RPRD2: variants seen among roughly 807,000 people sequenced by gnomAD.
RPRD2 encodes regulation of nuclear pre-mRNA domain-containing protein 2.
Under a neutral mutation model 104.4 loss-of-function variants are expected in RPRD2, and 12 were observed. The ratio of observed to expected loss-of-function variants is 0.11; its 90% CI spans 0.07 to 0.19. The LOEUF (loss-of-function observed/expected upper bound fraction) is 0.19, where lower values mean the gene tolerates loss of function less well. Among genes scored for constraint, RPRD2 ranks in the 10% least tolerant of loss-of-function variants. The probability of loss-of-function intolerance (pLI) is 1.00; values close to 1 mark genes in which losing one functional copy is unlikely to be tolerated. For synonymous variants in RPRD2, 714 were observed against 684.9 expected, an observed-to-expected ratio of 1.04 and a Z score of -0.66; for missense variants, 1,543 against 1,790.1, an observed-to-expected ratio of 0.86 and a Z score of 2.49.
At chr1:150,418,782 C>A (rs1449342496) in intron 2 of RPRD2, among the ~76,000 whole-genome samples, 1 of 152,092 alleles carries the variant, frequency 6.6e-6, no homozygotes, top group African/African-American at 2.4e-5. Flanking sequence ...GAGGCCAAGG[C>A]GGGTGGTGGA....
chr1:150,443,242 C>T lies in RPRD2; in HGVS notation c.526C>T (p.Pro176Ser), dbSNP rs1666525912. The change falls in exon 5 of 11, where the codon CCA (proline) becomes TCA (serine). Residue 176 changes from proline to serine, a missense_variant. This residue lies in a region of RPRD2 where 572 missense variants were observed against 787.3 expected (regional missense o/e 0.73). Transcript: ENST00000369068. ...QWKKSQTSTN[P>S]KAALKSKIVA... ...TTTAATTCCAACAGCATCTACAAAT[C>T]CAAAAGCTGCTCTCAAGTCTAAGAT... 2 of 1,576,948 alleles carry T rather than the reference C, an allele frequency of 1.3e-6. No individual in the cohort carries two copies. Among genetic ancestry groups the T allele is most frequent in the East Asian group, 4.6e-5 (2 of 43,936 alleles).
At chr1:150,422,367 T>TAATAATAATAATAATAATAAAAAA (rs1407375626) in intron 2 of RPRD2, among the ~76,000 whole-genome samples, 11 of 111,986 alleles carry the variant, frequency 9.8e-5, no homozygotes, top group East Asian at 8.4e-4. Flanking sequence ...ATAATAATAA[T>TAATAATAATAATAATAATAAAAAA]AAATAAAATT....
intron 1 of RPRD2, among the ~76,000 whole-genome samples, chr1:150,399,279 C>T (rs975381738): frequency 1.3e-5 from 2 of 152,124 alleles, no homozygotes; most frequent in African/African-American, 2.4e-5. Context: ...GCTGGGATTA[C>T]AGGCATAGAA....
chr1:150,470,690 G>T lies in RPRD2; in HGVS notation c.1742G>T (p.Ser581Ile), dbSNP rs1296322744. ...STIKGRNLPS[S>I]AQPFIPKSFN... is the part of the protein sequence containing the mutation. ...ATAAAGGGAAGAAATCTGCCCTCCA[G>T]TGCCCAACCTTTTATTCCCAAAAGC... The change falls in exon 11 of 11, where the codon AGT (serine) becomes ATT (isoleucine). Residue 581 changes from serine to isoleucine, a missense_variant. Ser to Ile is a moderately radical substitution (Grantham distance 142). This residue lies in a region of RPRD2 where 572 missense variants were observed against 787.3 expected (regional missense o/e 0.73). Transcript: ENST00000369068. The T allele has an allele frequency of 3.7e-6, 6 of 1,613,916 alleles. No homozygotes were observed. Among genetic ancestry groups the T allele is most frequent in the Middle Eastern group, 1.6e-4 (1 of 6,084 alleles).
At chr1:150,380,018 C>T (rs834234) in intron 1 of RPRD2, among the ~76,000 whole-genome samples, 3 of 152,128 alleles carry the variant, frequency 2.0e-5, no homozygotes, top group Admixed American at 1.3e-4. Context: ...ATTGCCCGAT[C>T]GTCTCTAGGC....
chr1:150,454,856 TA>T (rs1325007874), intron 7 of RPRD2, among the ~76,000 whole-genome samples: 2 of 151,922 alleles, frequency 1.3e-5, no homozygotes, highest in African/African-American at 2.4e-5. Context: ...TGAAATAAAA[TA>T]AAATAAAGGT....
intron 1 of RPRD2, among the ~76,000 whole-genome samples, chr1:150,392,971 A>G (rs75950378): frequency 0.02 from 3,071 of 152,340 alleles, 131 homozygotes; most frequent in African/African-American, 0.071. Context: ...AAATTCAAAT[A>G]TATCAATCAC....
chr1:150,371,011 C>G (rs1485300151), intron 1 of RPRD2, among the ~76,000 whole-genome samples: 2 of 152,106 alleles, frequency 1.3e-5, no homozygotes, highest in Non-Finnish European at 2.9e-5. Context: ...ACCTCCTCTC[C>G]CTTAGTACTT....
chr1:150,366,013 G>C (rs1553877096), intron 1 of RPRD2, among the ~76,000 whole-genome samples: 1 of 151,798 alleles, frequency 6.6e-6, no homozygotes, highest in Non-Finnish European at 1.5e-5. Context: ...TGTTTTTTTT[G>C]TCTTTATCCT....
intron 1 of RPRD2, among the ~76,000 whole-genome samples, chr1:150,385,561 G>C (rs1190606495): frequency 6.6e-6 from 1 of 152,170 alleles, no homozygotes; most frequent in Non-Finnish European, 1.5e-5. Context: ...TTACAAAACT[G>C]TAAATATGTA....
chr1:150,463,997 G>T (rs1668103853), intron 9 of RPRD2, among the ~76,000 whole-genome samples: 1 of 152,222 alleles, frequency 6.6e-6, no homozygotes. Context: ...AAATAAATAA[G>T]AAATATTGGG....
rs1170190954 is a variant in RPRD2 at position 150,471,512 on chromosome 1, A to T, written c.2564A>T (p.Lys855Ile). ...AMMNLEKKPA[K>I]SILKSSKLSD... ...ATGAACCTAGAGAAGAAACCAGCCA[A>T]ATCTATCCTGAAATCAAGCAAGCTG... Residue 855 changes from lysine (K) to isoleucine (I), a missense_variant, in exon 11 of 11, where the codon AAA becomes ATA. Physicochemically the swap from Lys to Ile is moderately radical, Grantham distance 102 (BLOSUM62 -3). Coordinates refer to ENST00000369068, the MANE Select transcript of RPRD2 (RefSeq NM_015203.5). The surrounding 1 kb of genome is among the most constrained non-coding windows in gnomAD (Gnocchi z 5.3). The T allele has an allele frequency of 6.2e-7, 1 of 1,613,756 alleles. No homozygotes were observed. Among genetic ancestry groups the T allele is most frequent in the Non-Finnish European group, 8.5e-7 (1 of 1,179,842 alleles).
intron 9 of RPRD2, among the ~76,000 whole-genome samples, chr1:150,461,098 T>C (rs1432004758): frequency 6.6e-6 from 1 of 151,822 alleles, no homozygotes; most frequent in Non-Finnish European, 1.5e-5. Context: ...GCAAAGAGAA[T>C]GAAATAAATA....
chr1:150,420,472 C>T (rs1453252410), intron 2 of RPRD2, among the ~76,000 whole-genome samples: 1 of 152,168 alleles, frequency 6.6e-6, no homozygotes, highest in African/African-American at 2.4e-5. Flanking sequence ...AGACAGAAGT[C>T]CTTCATTATC....
intron 2 of RPRD2, among the ~76,000 whole-genome samples, chr1:150,439,072 A>G (rs1332122853): frequency 2.6e-5 from 4 of 152,062 alleles, no homozygotes; most frequent in African/African-American, 9.7e-5. Context: ...TGACCTTGTG[A>G]TCCGCCTCCC....
At chr1:150,462,641 C>T (rs1194989647) in intron 9 of RPRD2, among the ~76,000 whole-genome samples, 1 of 152,044 alleles carries the variant, frequency 6.6e-6, no homozygotes, top group African/African-American at 2.4e-5. Flanking sequence ...ACTGCAAGCT[C>T]CGCCTCCCAG....
At chr1:150,384,680 TG>T (rs1661428303) in intron 1 of RPRD2, among the ~76,000 whole-genome samples, 1 of 137,766 alleles carries the variant, frequency 7.3e-6, no homozygotes, top group Non-Finnish European at 1.5e-5. Flanking sequence ...TGTGTGTGTG[TG>T]TTTTTAGTAG....
intron 7 of RPRD2, 87 bp downstream of exon 7, chr1:150,446,488 A>G (rs1666779965): frequency 8.5e-7 from 1 of 1,173,182 alleles, no homozygotes; most frequent in South Asian, 1.6e-5. Context: ...CTCTGTTAGG[A>G]TATGCATTTT....
Position 150,471,514 on chromosome 1 carries a change from T to A in RPRD2, c.2566T>A (p.Ser856Thr). 3 of 1,613,732 alleles carry A rather than the reference T, an allele frequency of 1.9e-6. No individual in the cohort carries two copies. Among genetic ancestry groups the A allele is most frequent in the Non-Finnish European group, 2.5e-6 (3 of 1,179,842 alleles). Residue 856 changes from serine to threonine, a missense_variant, in exon 11 of 11, where the codon TCT becomes ACT. Ser to Thr is a moderately conservative substitution (Grantham distance 58). Transcript: ENST00000369068. This position sits in a 1 kb window ranked among gnomAD's most constrained non-coding sequence, Gnocchi z 5.3. ...GAACCTAGAGAAGAAACCAGCCAAA[T>A]CTATCCTGAAATCAAGCAAGCTGTC... The part of the protein sequence containing the change: ...MMNLEKKPAK[S>T]ILKSSKLSDT...
Sources: allele counts gnomAD v4.1 joint callset (sites outside exome capture counted in the v4.1 genomes callset), GRCh38; gene constraint gnomAD v4.1.1; regional missense constraint gnomAD v4.1.1; non-coding constraint Gnocchi (gnomAD v3.1); transcripts MANE v1.5; gene names NCBI Gene and HGNC (gene_info 2026-07-23, HGNC 2026-07-21).